ALG10B: variants seen among roughly 807,000 people sequenced by gnomAD.
The protein encoded by ALG10B is dol-P-Glc:Glc(2)Man(9)GlcNAc(2)-PP-Dol alpha-1,2-glucosyltransferase B.
ALG10B carries 27 observed loss-of-function variants against 38.7 expected under a neutral mutation model. That is an observed-to-expected ratio of 0.70 (90% confidence interval 0.51 to 0.96). ALG10B has a LOEUF of 0.96. Among genes scored for constraint, ALG10B ranks in the 40% least tolerant of loss-of-function variants. The probability of loss-of-function intolerance (pLI) is 0.00; values close to 1 mark genes in which losing one functional copy is unlikely to be tolerated. For synonymous variants in ALG10B, 177 were observed against 193.3 expected, an observed-to-expected ratio of 0.92 and a Z score of 0.70; for missense variants, 522 against 542.7, an observed-to-expected ratio of 0.96 and a Z score of 0.38.
chr12:38,316,984 C>T lies in ALG10B; in HGVS notation c.91C>T (p.Leu31=), dbSNP rs749522473. 6.2e-7 allele frequency: 1 copy of T among 1,614,098 alleles called. No individual in the cohort carries two copies. Residue 31 remains leucine (L), a synonymous_variant, in exon 1 of 3, where the codon CTG becomes TTG. Transcript: ENST00000308742. ...CLLFSAFSRA[L]REPYMDEIFH... is the part of the protein sequence containing the mutation. Reference sequence around the variant, plus strand: ...CCTCTTCTCCGCCTTCAGCCGGGCGCTGCGAGAGCCCTACATGGACGAGAT... The same window carrying T: ...CCTCTTCTCCGCCTTCAGCCGGGCGTTGCGAGAGCCCTACATGGACGAGAT...
Position 38,321,452 on chromosome 12 carries a change from A to G in ALG10B, c.*239A>G. On this transcript the variant is annotated 3_prime_UTR_variant, in exon 3 of 3. Coordinates refer to ENST00000308742, the MANE Select transcript of ALG10B (RefSeq NM_001013620.4). ...TGGGAAAATAAAATTGTTTTCAGAT[A>G]TCTCATATCGCTCTCGTAATGTTGG... The G allele has an allele frequency of 2.8e-6, 1 of 356,908 alleles. No homozygotes were observed. Among genetic ancestry groups the G allele is most frequent in the Non-Finnish European group, 5.0e-6 (1 of 200,338 alleles). The allele number at this position is 356,908 out of a possible 1,614,324, so 22.1% of individuals were successfully genotyped here.
chr12:38,317,880 T>C lies in ALG10B; in HGVS notation c.172-381T>C, dbSNP rs548301365. 5 of 313,716 alleles carry C rather than the reference T, an allele frequency of 1.6e-5. No homozygotes were observed. The East Asian group carries it at 3.2e-4, about 20-fold the overall frequency. 19.4% of individuals were successfully genotyped at this position (313,716 alleles called of 1,614,324 possible). ...GGCACAATTTCTGTCTCAGTTTATG[T>C]CAGCTGTCATCATGGAGCCTGTGGT... On this transcript the variant is annotated intron_variant, in intron 1 of 2. Transcript: ENST00000308742.
At position 38,324,001 on chromosome 12, in the gene ALG10B, C is replaced by T; in HGVS notation, c.*2788C>T. ...TACCCTGTAATTAAAGAAGACTGCTCTTTGGAGGGATCACTGTTCTATATC... is the reference window on the plus strand; with the variant it reads ...TACCCTGTAATTAAAGAAGACTGCTTTTTGGAGGGATCACTGTTCTATATC... On this transcript the variant is annotated 3_prime_UTR_variant, in exon 3 of 3. Coordinates refer to ENST00000308742, the MANE Select transcript of ALG10B (RefSeq NM_001013620.4). 4.3e-6 allele frequency: 3 copies of T among 690,510 alleles called. No individual in the cohort carries two copies. The highest frequency in any genetic ancestry group is 7.9e-6 in the Non-Finnish European group (3 of 381,812). The allele number at this position is 690,510 out of a possible 1,614,324, so 42.8% of individuals were successfully genotyped here. A position where few individuals can be genotyped will look rare whatever the true frequency, so the allele number is the denominator to read the frequency against.
rs750911656 is a variant in ALG10B, at chr12:38,317,030, A to C, written c.137A>C (p.Gln46Pro). Residue 46 changes from glutamine (Q) to proline (P), a missense_variant, in exon 1 of 3, where the codon CAG becomes CCG. Physicochemically the swap from Gln to Pro is moderately conservative, Grantham distance 76 (BLOSUM62 -1). Transcript: ENST00000308742. ...GAGATCTTCCACCTGCCTCAGGCGC[A>C]GCGCTACTGTGAGGGCCATTTCTCC... is the stretch of plus-strand genomic sequence containing the variant. Reference protein sequence around the residue: ...MDEIFHLPQAQRYCEGHFSLS... With the variant: ...MDEIFHLPQAPRYCEGHFSLS... 3 of 1,614,144 alleles carry C rather than the reference A, an allele frequency of 1.9e-6. No homozygotes were observed. In the South Asian group the frequency reaches 3.3e-5, roughly 18 times the overall value.
Position 38,329,470 on chromosome 12 carries a change from T to C in ALG10B, c.*8257T>C, listed in dbSNP as rs187804137. 1.2e-5 allele frequency: 4 copies of C among 331,860 alleles called. No homozygotes were observed. Among genetic ancestry groups the C allele is most frequent in the East Asian group, 8.6e-5 (2 of 23,382 alleles). 20.6% of individuals were successfully genotyped at this position (331,860 alleles called of 1,614,324 possible). ...ATTGTTGGTTTAACAGGACATACTT[T>C]AGATATTTGAAAAATTCTCTGTGGA... is the stretch of plus-strand genomic sequence containing the variant. On this transcript the variant is annotated 3_prime_UTR_variant, in exon 3 of 3. Coordinates refer to ENST00000308742, the MANE Select transcript of ALG10B (RefSeq NM_001013620.4).
At chr12:38,317,558 A>G (rs1487760285) in intron 1 of ALG10B, 1 of 179,614 alleles carries the variant, frequency 5.6e-6, no homozygotes, top group African/African-American at 2.4e-5. Flanking sequence ...TGTTGACTGG[A>G]TAAACTGGCA....
intron 2 of ALG10B, among the ~76,000 whole-genome samples, chr12:38,319,309 A>G (rs1314913902): frequency 2.0e-5 from 3 of 152,214 alleles, no homozygotes; most frequent in African/African-American, 7.2e-5. Flanking sequence ...GACAAACAGC[A>G]TAAGCAAAGG....
Position 38,318,503 on chromosome 12 carries a change from C to G in ALG10B, c.369+45C>G, listed in dbSNP as rs746627695. ...ATTACAAGTTTATGTGTAGTCAGGT[C>G]CACAATTACAATGAATTAGTTTTAT... is the stretch of plus-strand genomic sequence containing the variant. On this transcript the variant is annotated intron_variant, in intron 2 of 2. Coordinates refer to ENST00000308742, the MANE Select transcript of ALG10B (RefSeq NM_001013620.4). 7.2e-6 allele frequency: 11 copies of G among 1,519,638 alleles called. No homozygotes were observed. The Middle Eastern group carries it at 1.4e-3, about 188-fold the overall frequency. The allele number at this position is 1,519,638 out of a possible 1,614,324, so 94.1% of individuals were successfully genotyped here. A position where few individuals can be genotyped will look rare whatever the true frequency, so the allele number is the denominator to read the frequency against.
chr12:38,325,638 T>C lies in ALG10B; in HGVS notation c.*4425T>C, dbSNP rs1945737735. ...AAATTTGAAAATTTTTAAATGGAAA[T>C]TGAAATATGACTTAGGAACTGTGGG... On this transcript the variant is annotated 3_prime_UTR_variant, in exon 3 of 3. Transcript: ENST00000308742. The C allele has an allele frequency of 6.6e-6, 1 of 152,170 alleles. No individual in the cohort carries two copies. 9.4% of individuals were successfully genotyped at this position (152,170 alleles called of 1,614,324 possible).
rs1362411055 is a variant in ALG10B at position 38,326,696 on chromosome 12, A to G, written c.*5483A>G. 2.0e-5 allele frequency: 3 copies of G among 151,878 alleles called. No homozygotes were observed. The highest frequency in any genetic ancestry group is 2.0e-4 in the Admixed American group (3 of 15,246). 9.4% of individuals were successfully genotyped at this position (151,878 alleles called of 1,614,324 possible). A position where few individuals can be genotyped will look rare whatever the true frequency, so the allele number is the denominator to read the frequency against. The stretch of plus-strand genomic sequence containing the variant: ...ACCACTCTAGGAATAGCTGTTAATT[A>G]TTTTTTATATAGGGCATTTTTATGT... On this transcript the variant is annotated 3_prime_UTR_variant, in exon 3 of 3. Coordinates refer to ENST00000308742, the MANE Select transcript of ALG10B (RefSeq NM_001013620.4).
intron 1 of ALG10B, 179 bp from the exon 2 acceptor site, chr12:38,318,082 C>T: frequency 2.7e-6 from 2 of 731,338 alleles, no homozygotes; most frequent in Non-Finnish European, 4.6e-6. Flanking sequence ...CTAAGCTGGT[C>T]CGGGGGCAAA....
rs1305870776 is a variant in ALG10B at position 38,323,306 on chromosome 12, C to A, written c.*2093C>A. ...CAGAATTGAAAGAAAGTTGAGAAATCCTTTGGTCTGACTTTGTAGATTAGG... is the reference window on the plus strand; with the variant it reads ...CAGAATTGAAAGAAAGTTGAGAAATACTTTGGTCTGACTTTGTAGATTAGG... On this transcript the variant is annotated 3_prime_UTR_variant, in exon 3 of 3. Transcript: ENST00000308742. The A allele has an allele frequency of 1.3e-5, 2 of 152,092 alleles. No individual in the cohort carries two copies. Among genetic ancestry groups the A allele is most frequent in the Non-Finnish European group, 2.9e-5 (2 of 68,076 alleles). 9.4% of individuals were successfully genotyped at this position (152,092 alleles called of 1,614,324 possible). A position where few individuals can be genotyped will look rare whatever the true frequency, so the allele number is the denominator to read the frequency against.
intron 1 of ALG10B, chr12:38,317,709 G>C (rs1319580791): frequency 5.6e-6 from 1 of 177,788 alleles, no homozygotes; most frequent in African/African-American, 2.4e-5. Context: ...TTTAGAGAAA[G>C]ATCTGATCTT....
In ALG10B at chr12:38,321,081, T is replaced by C; in HGVS notation, c.1290T>C (p.Thr430=). ...ATGTCATTTATAGGCTTAACATAAC[T>C]CTGCCTCCCACATCCAGACTTGTTT... The part of the protein sequence containing the change: ...LPYVIYRLNI[T]LPPTSRLVCE... The change falls in exon 3 of 3, where the codon ACT becomes ACC. Residue 430 remains threonine, a synonymous_variant. Coordinates refer to ENST00000308742, the MANE Select transcript of ALG10B (RefSeq NM_001013620.4). The C allele has an allele frequency of 6.2e-7, 1 of 1,613,860 alleles. No individual in the cohort carries two copies. The highest frequency in any genetic ancestry group is 8.5e-7 in the Non-Finnish European group (1 of 1,179,838).
In ALG10B at chr12:38,316,999, A is replaced by G. The variant is rs200429393; in HGVS notation, c.106A>G (p.Met36Val). The G allele has an allele frequency of 2.4e-5, 39 of 1,613,812 alleles. No homozygotes were observed. Among genetic ancestry groups the G allele is most frequent in the African/African-American group, 6.7e-5 (5 of 74,820 alleles). Residue 36 changes from methionine to valine, a missense_variant, in exon 1 of 3, where the codon ATG becomes GTG. Transcript: ENST00000308742. Reference protein sequence around the residue: ...AFSRALREPYMDEIFHLPQAQ... With the variant: ...AFSRALREPYVDEIFHLPQAQ... ...CAGCCGGGCGCTGCGAGAGCCCTAC[A>G]TGGACGAGATCTTCCACCTGCCTCA...
At position 38,329,538 on chromosome 12, in the gene ALG10B, A is replaced by G. The variant is rs1323240951; in HGVS notation, c.*8325A>G. 3 of 250,100 alleles carry G rather than the reference A, an allele frequency of 1.2e-5. No homozygotes were observed. Among genetic ancestry groups the G allele is most frequent in the Non-Finnish European group, 1.5e-5 (2 of 133,594 alleles). The allele number at this position is 250,100 out of a possible 1,614,324, so 15.5% of individuals were successfully genotyped here. A position where few individuals can be genotyped will look rare whatever the true frequency, so the allele number is the denominator to read the frequency against. The stretch of plus-strand genomic sequence containing the variant: ...TTAAGAATGTAGGAATATGTGTTCT[A>G]TATGCTTTTAAGTTATGTATTACAT... On this transcript the variant is annotated 3_prime_UTR_variant, in exon 3 of 3. Transcript: ENST00000308742.
rs1008384742 is a variant in ALG10B, at chr12:38,324,511, T to C, written c.*3298T>C. The C allele has an allele frequency of 1.3e-5, 2 of 152,250 alleles. No individual in the cohort carries two copies. The highest frequency in any genetic ancestry group is 4.8e-5 in the African/African-American group (2 of 41,460). 9.4% of individuals were successfully genotyped at this position (152,250 alleles called of 1,614,324 possible). A position where few individuals can be genotyped will look rare whatever the true frequency, so the allele number is the denominator to read the frequency against. ...AAAAGGTGCTATTTTCAACTATTTA[T>C]TATTTTAAAACAGGAATGCTTATCA... On this transcript the variant is annotated 3_prime_UTR_variant, in exon 3 of 3. Coordinates refer to ENST00000308742, the MANE Select transcript of ALG10B (RefSeq NM_001013620.4).
Position 38,323,802 on chromosome 12 carries a change from T to A in ALG10B, c.*2589T>A. The stretch of plus-strand genomic sequence containing the variant: ...AAAGAAATTATACTTTTGTCATTAA[T>A]TTACTATAGTGGAGAACTAAATCTG... On this transcript the variant is annotated 3_prime_UTR_variant, in exon 3 of 3. Coordinates refer to ENST00000308742, the MANE Select transcript of ALG10B (RefSeq NM_001013620.4). The A allele has an allele frequency of 1.5e-6, 1 of 669,904 alleles. No individual in the cohort carries two copies. The allele number at this position is 669,904 out of a possible 1,614,324, so 41.5% of individuals were successfully genotyped here. A position where few individuals can be genotyped will look rare whatever the true frequency, so the allele number is the denominator to read the frequency against.
chr12:38,329,448 G>A lies in ALG10B; in HGVS notation c.*8235G>A, dbSNP rs1406645240. The A allele has an allele frequency of 8.0e-6, 3 of 374,102 alleles. No homozygotes were observed. The highest frequency in any genetic ancestry group is 1.4e-5 in the Non-Finnish European group (3 of 212,192). 23.2% of individuals were successfully genotyped at this position (374,102 alleles called of 1,614,324 possible). On this transcript the variant is annotated 3_prime_UTR_variant, in exon 3 of 3. Coordinates refer to ENST00000308742, the MANE Select transcript of ALG10B (RefSeq NM_001013620.4). ...AGAGACTCCTGTTTGGAAGCAAATT[G>A]TTGGTTTAACAGGACATACTTTAGA...
Sources: gnomAD v4.1 joint callset for allele counts (sites outside exome capture counted in the v4.1 genomes callset) on GRCh38, gnomAD v4.1.1 for gene constraint, MANE v1.5 for transcripts, NCBI Gene and HGNC (gene_info 2026-07-23, HGNC 2026-07-21) for gene names.